The following LYZL6 variants were observed in gnomAD, a reference collection of about 807,000 sequenced individuals.
LYZL6 encodes lysozyme-like protein 6.
Under a neutral mutation model 15.0 loss-of-function variants are expected in LYZL6, and 21 were observed. The observed-to-expected ratio is 1.40, with a 90% CI of 1.00 to 2.02. LYZL6 has a LOEUF of 2.02. LYZL6 is among the 30% of genes most tolerant of loss of function. The pLI is 0.00. For synonymous variants in LYZL6, 72 were observed against 67.8 expected, an observed-to-expected ratio of 1.06 and a Z score of -0.31; for missense variants, 173 against 180.5, an observed-to-expected ratio of 0.96 and a Z score of 0.24.
chr17:35,939,358 C>T lies in LYZL6; in HGVS notation c.-2G>A, dbSNP rs772726887. ...ATAGATGAGTAGCGCCTTTGTCATC[C>T]TTGGAGGGGAGGAGGTGCAGCTGAG... On this transcript the variant is annotated 5_prime_UTR_variant, in exon 2 of 5. Transcript: ENST00000615905. 1 of 1,613,886 alleles carries T rather than the reference C, an allele frequency of 6.2e-7. No individual in the cohort carries two copies. Among genetic ancestry groups the T allele is most frequent in the East Asian group, 2.2e-5 (1 of 44,882 alleles).
chr17:35,939,911 A>G (rs2089411979), intron 1 of LYZL6, among the ~76,000 whole-genome samples: 1 of 152,170 alleles, frequency 6.6e-6, no homozygotes. Flanking sequence ...TATCTTCACC[A>G]GCATATGTGT....
At chr17:35,942,636 C>G (rs997394398) in intron 1 of LYZL6, among the ~76,000 whole-genome samples, 1 of 152,178 alleles carries the variant, frequency 6.6e-6, no homozygotes, top group African/African-American at 2.4e-5. Context: ...AAGGAAATCA[C>G]TTTTCTTCTA....
intron 2 of LYZL6, 47 bp downstream of exon 2, chr17:35,939,171 A>G: frequency 6.3e-7 from 1 of 1,593,740 alleles, no homozygotes; most frequent in Non-Finnish European, 8.6e-7. Flanking sequence ...CATATAGGAC[A>G]TGACTAGCAG....
intron 1 of LYZL6, among the ~76,000 whole-genome samples, chr17:35,941,891 G>A (rs570673088): frequency 6.2e-4 from 95 of 152,334 alleles, no homozygotes; most frequent in Non-Finnish European, 1.2e-3. Context: ...TCTCCCCACA[G>A]ATTGCTTATT....
In LYZL6 at chr17:35,937,899, C is replaced by T. The variant is rs748389054; in HGVS notation, c.157G>A (p.Val53Met). Residue 53 changes from valine to methionine, a missense_variant, in exon 3 of 5, where the codon GTG becomes ATG. By Grantham distance (21) the Val-to-Met change is conservative. Transcript: ENST00000615905. ...TTTGATATGTTGAACTTGCTTTCCA[C>T]AAAAGCCAGGCACAGCCCTTAGAGT... ...SLSDWLCLAF[V>M]ESKFNISKIN... 12 of 1,613,758 alleles carry T rather than the reference C, an allele frequency of 7.4e-6. No individual in the cohort carries two copies. The Admixed American group carries it at 1.2e-4, about 16-fold the overall frequency.
At chr17:35,942,020 G>A (rs1398883461) in intron 1 of LYZL6, among the ~76,000 whole-genome samples, 1 of 149,608 alleles carries the variant, frequency 6.7e-6, no homozygotes, top group Admixed American at 6.8e-5. Context: ...GCCTCCAGAT[G>A]TGATTCCCAA....
rs192235643 is a variant in LYZL6 at position 35,936,377 on chromosome 17, G to A, written c.377+378C>T. Among the ~76,000 whole-genome samples, 346 of 152,268 alleles carry A rather than the reference G, an allele frequency of 2.3e-3. 1 individual carries two copies. The highest frequency in any genetic ancestry group is 1.3e-3 in the Non-Finnish European group (89 of 68,012). The stretch of plus-strand genomic sequence containing the variant: ...AGACTGTGGAGCAGAGAAAGTCTGC[G>A]GAGAGAGAAGTGAAGCAAATGCACC... On this transcript the variant is annotated intron_variant, in intron 4 of 4. Coordinates refer to ENST00000615905, the MANE Select transcript of LYZL6 (RefSeq NM_020426.4).
At chr17:35,934,983 CT>C in intron 4 of LYZL6, 118 bp from the exon 5 acceptor site, 1 of 883,772 alleles carries the variant, frequency 1.1e-6, no homozygotes, top group South Asian at 1.5e-5. Context: ...TCATTGCTAG[CT>C]AGCCCTCTGG....
rs547308580 is a variant in LYZL6, at chr17:35,939,176, T to C, written c.139+42A>G. The C allele has an allele frequency of 1.9e-5, 31 of 1,599,428 alleles. No homozygotes were observed. In the African/African-American group the frequency reaches 2.5e-4, roughly 13 times the overall value. ...AGAAGCTGGCCATATAGGACATGACTAGCAGAGGAGAAATGGCTGGGGAGG... is the reference window on the plus strand; with the variant it reads ...AGAAGCTGGCCATATAGGACATGACCAGCAGAGGAGAAATGGCTGGGGAGG... On this transcript the variant is annotated intron_variant, in intron 2 of 4. Coordinates refer to ENST00000615905, the MANE Select transcript of LYZL6 (RefSeq NM_020426.4).
At chr17:35,941,451 T>C (rs192612710) in intron 1 of LYZL6, among the ~76,000 whole-genome samples, 40 of 152,332 alleles carry the variant, frequency 2.6e-4, no homozygotes, top group Admixed American at 2.0e-3. Flanking sequence ...TTTCACTTTC[T>C]TGGTGGTGTT....
chr17:35,938,328 A>G (rs2089394860), intron 2 of LYZL6, among the ~76,000 whole-genome samples: 1 of 152,194 alleles, frequency 6.6e-6, no homozygotes, highest in African/African-American at 2.4e-5. Flanking sequence ...TACAAGCTTA[A>G]AAATATGTAT....
chr17:35,935,601 G>A (rs897199329), intron 4 of LYZL6, among the ~76,000 whole-genome samples: 1 of 151,906 alleles, frequency 6.6e-6, no homozygotes, highest in African/African-American at 2.4e-5. Context: ...GAGAGATCCC[G>A]GCCCACAGGG....
At chr17:35,941,596 A>G (rs913115673) in intron 1 of LYZL6, among the ~76,000 whole-genome samples, 4 of 152,174 alleles carry the variant, frequency 2.6e-5, no homozygotes, top group African/African-American at 9.7e-5. Context: ...CAATTAGACC[A>G]TCAGAATAAA....
rs750860624 is a variant in LYZL6, at chr17:35,937,951, G to A, written c.140-35C>T. 2.5e-6 allele frequency: 4 copies of A among 1,600,544 alleles called. No homozygotes were observed. The Admixed American group carries it at 6.7e-5, about 27-fold the overall frequency. Reference sequence around the variant, plus strand: ...GGGAGAAGAAGGTCAGGATTTAGAGGGGACCAAGCTGAGTGAGAAGGGAGA... The same window carrying A: ...GGGAGAAGAAGGTCAGGATTTAGAGAGGACCAAGCTGAGTGAGAAGGGAGA... On this transcript the variant is annotated intron_variant, in intron 2 of 4. Coordinates refer to ENST00000615905, the MANE Select transcript of LYZL6 (RefSeq NM_020426.4).
chr17:35,935,073 G>A (rs2089359565), intron 4 of LYZL6, among the ~76,000 whole-genome samples: 4 of 151,316 alleles, frequency 2.6e-5, no homozygotes, highest in Admixed American at 1.3e-4. Flanking sequence ...CTGGATCAAC[G>A]TTTCCACATT....
At chr17:35,936,490 G>A (rs532751296) in intron 4 of LYZL6, among the ~76,000 whole-genome samples, 2 of 152,340 alleles carry the variant, frequency 1.3e-5, no homozygotes, top group East Asian at 3.9e-4. Flanking sequence ...TGCAGCCCTT[G>A]AGTGGGCTCA....
chr17:35,934,777 G>T lies in LYZL6; in HGVS notation c.*19C>A. ...GACAGGAGTCTTGGAATGACTCCAC[G>T]GTGCACCCGCACCCTGTTTCATCTC... is the stretch of plus-strand genomic sequence containing the variant. On this transcript the variant is annotated 3_prime_UTR_variant, in exon 5 of 5. Coordinates refer to ENST00000615905, the MANE Select transcript of LYZL6 (RefSeq NM_020426.4). 6.2e-7 allele frequency: 1 copy of T among 1,612,930 alleles called. No homozygotes were observed. The highest frequency in any genetic ancestry group is 8.5e-7 in the Non-Finnish European group (1 of 1,179,104).
At chr17:35,939,143 G>T in intron 2 of LYZL6, 75 bp downstream of exon 2, 1 of 1,520,968 alleles carries the variant, frequency 6.6e-7, no homozygotes, top group Non-Finnish European at 8.9e-7. Flanking sequence ...AAGATGAACA[G>T]GAGAGAAAGA....
chr17:35,935,023 T>C (rs901286929), intron 4 of LYZL6, among the ~76,000 whole-genome samples, 158 bp from the exon 5 acceptor site: 2 of 152,156 alleles, frequency 1.3e-5, no homozygotes, highest in African/African-American at 2.4e-5. Flanking sequence ...CTCTGACGAA[T>C]CCTGTAAAAC....
Sources: allele counts gnomAD v4.1 joint callset (sites outside exome capture counted in the v4.1 genomes callset), GRCh38; gene constraint gnomAD v4.1.1; transcripts MANE v1.5; gene names NCBI Gene and HGNC (gene_info 2026-07-23, HGNC 2026-07-21).